OR51I2: variants seen among roughly 807,000 people sequenced by gnomAD.
OR51I2 encodes the protein olfactory receptor family 51 subfamily I member 2.
A neutral mutation model predicts 9.3 loss-of-function variants in OR51I2; 6 were observed. That is an observed-to-expected ratio of 0.64 (90% CI 0.35 to 1.27). OR51I2 has a LOEUF of 1.27. Among genes scored for constraint, OR51I2 ranks in the 50% most tolerant of loss-of-function variants. OR51I2 has a pLI of 0.03. For synonymous variants in OR51I2, 179 were observed against 143.1 expected (o/e 1.25, Z -1.79); for missense variants, 489 against 396.4 (o/e 1.23, Z -1.98).
intron 1 of OR51I2, among the ~76,000 whole-genome samples, chr11:5,451,656 CA>C (rs1850850916): frequency 6.6e-6 from 1 of 152,192 alleles, no homozygotes; most frequent in Non-Finnish European, 1.5e-5. Flanking sequence ...CCCCATTCCA[CA>C]ACCTCTGTTA....
Position 5,454,557 on chromosome 11 carries a change from A to G in OR51I2, c.*130A>G. On this transcript the variant is annotated 3_prime_UTR_variant, in exon 2 of 2. Transcript: ENST00000641930. The stretch of plus-strand genomic sequence containing the variant: ...AAGTAGGCCAGGAGATGGTGATGCA[A>G]AACTTATAACACAAAACAAGGAGTT... 1.4e-6 allele frequency: 1 copy of G among 712,454 alleles called. No homozygotes were observed. Among genetic ancestry groups the G allele is most frequent in the Non-Finnish European group, 2.3e-6 (1 of 428,740 alleles). 44.1% of individuals were successfully genotyped at this position (712,454 alleles called of 1,614,324 possible). A position where few individuals can be genotyped will look rare whatever the true frequency, so the allele number is the denominator to read the frequency against.
chr11:5,453,525 C>A lies in OR51I2; in HGVS notation c.37C>A (p.Leu13Ile). 6.3e-7 allele frequency: 1 copy of A among 1,587,030 alleles called. No individual in the cohort carries two copies. Among genetic ancestry groups the A allele is most frequent in the South Asian group, 1.2e-5 (1 of 85,556 alleles). Residue 13 changes from leucine (L) to isoleucine (I), a missense_variant, in exon 2 of 2, where the codon CTC becomes ATC. Physicochemically the swap from Leu to Ile is conservative, Grantham distance 5. Transcript: ENST00000641930. ...CAATGTCACTCACCCTGCATTCTTC[C>A]TCCTGACTGGTATCCCTGGTCTGGA... is the stretch of plus-strand genomic sequence containing the variant. ...LFNVTHPAFFLLTGIPGLESS... is the reference protein window; with the variant it reads ...LFNVTHPAFFILTGIPGLESS...
At position 5,456,497 on chromosome 11, in the gene OR51I2, A is replaced by G. The variant is rs1279155925; in HGVS notation, c.*2070A>G. ...ACTCTTTAACTTCTTTTTATTTAAC[A>G]TAATCTTTTTTGAACTCAACATTTT... is the stretch of plus-strand genomic sequence containing the variant. On this transcript the variant is annotated 3_prime_UTR_variant, in exon 2 of 2. Transcript: ENST00000641930. The G allele has an allele frequency of 6.6e-6, 1 of 152,046 alleles. No individual in the cohort carries two copies. The highest frequency in any genetic ancestry group is 1.5e-5 in the Non-Finnish European group (1 of 68,010). 9.4% of individuals were successfully genotyped at this position (152,046 alleles called of 1,614,324 possible). A position where few individuals can be genotyped will look rare whatever the true frequency, so the allele number is the denominator to read the frequency against.
At chr11:5,451,702 T>G (rs1850852127) in intron 1 of OR51I2, among the ~76,000 whole-genome samples, 1 of 152,176 alleles carries the variant, frequency 6.6e-6, no homozygotes, top group South Asian at 2.1e-4. Flanking sequence ...GGGTCCCCTT[T>G]CTCCTTCATT....
chr11:5,450,271 T>C (rs1052663798), intron 1 of OR51I2, among the ~76,000 whole-genome samples: 2 of 151,932 alleles, frequency 1.3e-5, no homozygotes, highest in Admixed American at 1.3e-4. Context: ...CGCCTGTAAT[T>C]CCAGCTACTG....
intron 1 of OR51I2, among the ~76,000 whole-genome samples, chr11:5,450,115 G>A (rs542810100): frequency 3.3e-5 from 5 of 152,296 alleles, no homozygotes; most frequent in South Asian, 2.1e-4. Flanking sequence ...TACACCAGGC[G>A]TGGTGGCTCA....
Position 5,454,303 on chromosome 11 carries a change from T to A in OR51I2, c.815T>A (p.Ile272Lys), listed in dbSNP as rs200377378. 1.9e-6 allele frequency: 3 copies of A among 1,614,086 alleles called. No individual in the cohort carries two copies. The highest frequency in any genetic ancestry group is 2.5e-6 in the Non-Finnish European group (3 of 1,180,026). The change falls in exon 2 of 2, where the codon ATA (isoleucine) becomes AAA (lysine). Residue 272 changes from isoleucine (I) to lysine (K), a missense_variant. Coordinates refer to ENST00000641930, the MANE Select transcript of OR51I2 (RefSeq NM_001004754.3). ...TTTGGGAAGCATGTCCCATGCTACA[T>A]ACATGTCCTCATGTCAAATGTGTAC... ...HRFGKHVPCY[I>K]HVLMSNVYLF...
Position 5,454,410 on chromosome 11 carries a change from C to G in OR51I2, c.922C>G (p.His308Asp). Residue 308 changes from histidine to aspartate, a missense_variant, in exon 2 of 2, where the codon CAC becomes GAC. Coordinates refer to ENST00000641930, the MANE Select transcript of OR51I2 (RefSeq NM_001004754.3). Reference sequence around the variant, plus strand: ...CCGCCGAGCCATTTTCCGCATGTTTCACCACATCAAAATATGACTTTCACA... The same window carrying G: ...CCGCCGAGCCATTTTCCGCATGTTTGACCACATCAAAATATGACTTTCACA... ...EIRRAIFRMF[H>D]HIKI is the part of the protein sequence containing the mutation. The G allele has an allele frequency of 6.2e-7, 1 of 1,606,784 alleles. No homozygotes were observed. Among genetic ancestry groups the G allele is most frequent in the Non-Finnish European group, 8.5e-7 (1 of 1,178,824 alleles).
At chr11:5,451,804 T>C (rs1850855051) in intron 1 of OR51I2, among the ~76,000 whole-genome samples, 1 of 152,198 alleles carries the variant, frequency 6.6e-6, no homozygotes, top group Admixed American at 6.5e-5. Flanking sequence ...TATGTAATTC[T>C]GGGGTCCTTC....
intron 1 of OR51I2, among the ~76,000 whole-genome samples, chr11:5,451,768 G>C (rs1364318158): frequency 6.6e-6 from 1 of 152,180 alleles, no homozygotes; most frequent in Admixed American, 6.5e-5. Context: ...AGAGGTTGGA[G>C]AGGAAAGAGA....
Position 5,453,487 on chromosome 11 carries a change from C to A in OR51I2, c.-2C>A. 6.5e-7 allele frequency: 1 copy of A among 1,531,416 alleles called. No homozygotes were observed. The allele number at this position is 1,531,416 out of a possible 1,614,324, so 94.9% of individuals were successfully genotyped here. On this transcript the variant is annotated 5_prime_UTR_variant, in exon 2 of 2. Coordinates refer to ENST00000641930, the MANE Select transcript of OR51I2 (RefSeq NM_001004754.3). ...TGAAAAGTACCCTAAGTTTGTTTTG[C>A]TATGGGGTTGTTCAATGTCACTCAC...
At chr11:5,451,734 A>G (rs1460590504) in intron 1 of OR51I2, among the ~76,000 whole-genome samples, 1 of 152,128 alleles carries the variant, frequency 6.6e-6, no homozygotes, top group Non-Finnish European at 1.5e-5. Flanking sequence ...GAACTCTGAG[A>G]GCATGGTCCG....
chr11:5,450,113 G>A (rs1476554401), intron 1 of OR51I2, among the ~76,000 whole-genome samples: 1 of 152,152 alleles, frequency 6.6e-6, no homozygotes, highest in Non-Finnish European at 1.5e-5. Context: ...CATACACCAG[G>A]CGTGGTGGCT....
intron 1 of OR51I2, among the ~76,000 whole-genome samples, chr11:5,451,268 G>C (rs1850842785): frequency 6.6e-6 from 1 of 152,206 alleles, no homozygotes; most frequent in Non-Finnish European, 1.5e-5. Context: ...TAAGTCCCCA[G>C]ACCCAGAATG....
At position 5,454,605 on chromosome 11, in the gene OR51I2, A is replaced by G. The variant is rs1850924389; in HGVS notation, c.*178A>G. On this transcript the variant is annotated 3_prime_UTR_variant, in exon 2 of 2. Coordinates refer to ENST00000641930, the MANE Select transcript of OR51I2 (RefSeq NM_001004754.3). ...GTTCCAAATGAATAGTACATTCACT[A>G]AATACCAACAGTATTCTTAGAAAGA... 1 of 526,596 alleles carries G rather than the reference A, an allele frequency of 1.9e-6. No individual in the cohort carries two copies. Among genetic ancestry groups the G allele is most frequent in the Non-Finnish European group, 3.3e-6 (1 of 299,906 alleles). The allele number at this position is 526,596 out of a possible 1,614,324, so 32.6% of individuals were successfully genotyped here.
Position 5,456,134 on chromosome 11 carries a change from T to C in OR51I2, c.*1707T>C, listed in dbSNP as rs1408510722. 6.6e-6 allele frequency: 1 copy of C among 152,164 alleles called. No individual in the cohort carries two copies. The highest frequency in any genetic ancestry group is 2.1e-4 in the South Asian group (1 of 4,826). The allele number at this position is 152,164 out of a possible 1,614,324, so 9.4% of individuals were successfully genotyped here. ...GAAGCCGCCAAATGAAAGTAAACTC[T>C]CACTGATTCCTACCTCAGAAGCAGC... is the stretch of plus-strand genomic sequence containing the variant. On this transcript the variant is annotated 3_prime_UTR_variant, in exon 2 of 2. Transcript: ENST00000641930.
chr11:5,451,100 G>A (rs1315639952), intron 1 of OR51I2, among the ~76,000 whole-genome samples: 1 of 152,202 alleles, frequency 6.6e-6, no homozygotes, highest in Admixed American at 6.5e-5. Context: ...CAGAGCAGCT[G>A]ACATATCACA....
Position 5,453,951 on chromosome 11 carries a change from A to AC in OR51I2, c.466dup (p.Leu156ProfsTer9). 2.5e-6 allele frequency: 4 copies of AC among 1,614,052 alleles called. No homozygotes were observed. The highest frequency in any genetic ancestry group is 3.4e-6 in the Non-Finnish European group (4 of 1,180,010). On this transcript the variant is annotated frameshift_variant, in exon 2 of 2. Coordinates refer to ENST00000641930, the MANE Select transcript of OR51I2 (RefSeq NM_001004754.3). LOFTEE classifies it high-confidence loss of function. ...AGGTGCAGCTGCTCGAAGCTTCATC[A>AC]CCCTTTTCCCTCTTCCCTTTCTTAT...
chr11:5,450,370 T>C (rs1472182027), intron 1 of OR51I2, among the ~76,000 whole-genome samples: 3 of 152,134 alleles, frequency 2.0e-5, no homozygotes, highest in African/African-American at 7.2e-5. Flanking sequence ...CCCTGGATGA[T>C]GGAGCAAGAC....
Sources: gnomAD v4.1 joint callset for allele counts (sites outside exome capture counted in the v4.1 genomes callset) on GRCh38, gnomAD v4.1.1 for gene constraint, MANE v1.5 for transcripts, NCBI Gene and HGNC (gene_info 2026-07-23, HGNC 2026-07-21) for gene names.